Variants in WNT9B observed in about 807,000 individuals in gnomAD.
The protein encoded by WNT9B is Wnt family member 9B, also known as protein Wnt-9b.
In WNT9B, 12 loss-of-function variants were observed where a neutral mutation model predicts 30.2. The observed-to-expected ratio is 0.40, with a 90% CI of 0.26 to 0.64. WNT9B has a LOEUF of 0.64. WNT9B is among the 30% of genes least tolerant of loss of function. The pLI, the probability that WNT9B is intolerant of heterozygous loss-of-function variation, is 0.42. For synonymous variants in WNT9B, 218 were observed against 216.9 expected (o/e 1.01, Z -0.05); for missense variants, 442 against 485.2 (o/e 0.91, Z 0.84).
intron 1 of WNT9B, among the ~76,000 whole-genome samples, chr17:46,841,480 A>C (rs1055528105): frequency 6.6e-6 from 1 of 152,238 alleles, no homozygotes; most frequent in Non-Finnish European, 1.5e-5. Flanking sequence ...ATCCGAAAGA[A>C]AGAGGCCCGT....
chr17:46,873,187 T>C (rs2146602879), intron 2 of WNT9B, among the ~76,000 whole-genome samples: 1 of 151,874 alleles, frequency 6.6e-6, no homozygotes, highest in South Asian at 2.1e-4. Flanking sequence ...CCAGGCCCGA[T>C]GACACGAGCC....
At chr17:46,836,571 G>A (rs2084635246) in intron 1 of WNT9B, among the ~76,000 whole-genome samples, 1 of 152,244 alleles carries the variant, frequency 6.6e-6, no homozygotes, top group African/African-American at 2.4e-5. Context: ...GTCAATTTCT[G>A]AAGCAGTTGG....
intron 1 of WNT9B, chr17:46,833,504 C>T: frequency 8.7e-6 from 4 of 457,308 alleles, no homozygotes; most frequent in South Asian, 6.2e-5. Context: ...ACCTCACTGC[C>T]TGACTTCTCT....
chr17:46,876,840 A>G lies in WNT9B; in HGVS notation c.*122A>G, dbSNP rs1336575904. Reference sequence around the variant, plus strand: ...CATGCATAAACCGGCATGTGTGCCAATGCACACGAGTGTGCCACTCACCAC... The same window carrying G: ...CATGCATAAACCGGCATGTGTGCCAGTGCACACGAGTGTGCCACTCACCAC... On this transcript the variant is annotated 3_prime_UTR_variant, in exon 4 of 4. Coordinates refer to ENST00000290015, the MANE Select transcript of WNT9B (RefSeq NM_003396.3). 4.9e-6 allele frequency: 7 copies of G among 1,434,690 alleles called. No homozygotes were observed. Among genetic ancestry groups the G allele is most frequent in the Non-Finnish European group, 6.4e-6 (7 of 1,090,222 alleles). 88.9% of individuals were successfully genotyped at this position (1,434,690 alleles called of 1,614,324 possible). A position where few individuals can be genotyped will look rare whatever the true frequency, so the allele number is the denominator to read the frequency against.
At chr17:46,837,475 T>C (rs891646931) in intron 1 of WNT9B, among the ~76,000 whole-genome samples, 1 of 152,100 alleles carries the variant, frequency 6.6e-6, no homozygotes, top group Non-Finnish European at 1.5e-5. Context: ...TGTATGACAT[T>C]TGTTTCCCCA....
At chr17:46,862,111 C>T (rs925207100) in intron 1 of WNT9B, among the ~76,000 whole-genome samples, 9 of 146,014 alleles carry the variant, frequency 6.2e-5, no homozygotes, top group African/African-American at 2.0e-4. Context: ...TGCAGTGAGC[C>T]GAGATTGTGC....
chr17:46,858,004 A>T (rs1419646381), intron 1 of WNT9B, among the ~76,000 whole-genome samples: 1 of 152,168 alleles, frequency 6.6e-6, no homozygotes, highest in Non-Finnish European at 1.5e-5. Context: ...ATCTTGGCTA[A>T]CTGCAACCTC....
chr17:46,875,145 C>G lies in WNT9B; in HGVS notation c.379C>G (p.Leu127Val). The change falls in exon 3 of 4, where the codon CTC becomes GTC. Residue 127 changes from leucine (L) to valine (V), a missense_variant. Coordinates refer to ENST00000290015, the MANE Select transcript of WNT9B (RefSeq NM_003396.3). ...CCTGTACGCGGTGTCCTCTGCCGCC[C>G]TCACCCACACCCTGGCCCGGGCCTG... ...AFLYAVSSAA[L>V]THTLARACSA... 6.2e-7 allele frequency: 1 copy of G among 1,614,014 alleles called. No individual in the cohort carries two copies. Among genetic ancestry groups the G allele is most frequent in the Non-Finnish European group, 8.5e-7 (1 of 1,180,046 alleles).
chr17:46,851,588 C>T lies in WNT9B; in HGVS notation c.-51C>T. On this transcript the variant is annotated 5_prime_UTR_variant, in exon 1 of 4. Transcript: ENST00000290015. The surrounding 1 kb of genome is among the most constrained non-coding windows in gnomAD (Gnocchi z 4.3). ...CCGCGGGCGGGTGGTGGCGGAGCTG[C>T]GAGCTTGAGCGGCGCGAGGAGATGC... 2 of 1,082,506 alleles carry T rather than the reference C, an allele frequency of 1.8e-6. No homozygotes were observed. The highest frequency in any genetic ancestry group is 2.3e-6 in the Non-Finnish European group (2 of 851,178). 67.1% of individuals were successfully genotyped at this position (1,082,506 alleles called of 1,614,324 possible).
chr17:46,865,787 AT>A, intron 1 of WNT9B, among the ~76,000 whole-genome samples: 1 of 152,038 alleles, frequency 6.6e-6, no homozygotes, highest in East Asian at 1.9e-4. Flanking sequence ...TTAATTTTTA[AT>A]TTTGTAGAGA....
chr17:46,857,474 CAAAAA>C (rs35196121), intron 1 of WNT9B, among the ~76,000 whole-genome samples: 22,768 of 94,548 alleles, frequency 0.24, 2,108 homozygotes, highest in East Asian at 0.44. Context: ...GACTCTGTCT[CAAAAA>C]AAAAAAAAAA....
chr17:46,850,620 C>G (rs1384185638), upstream of WNT9B, among the ~76,000 whole-genome samples: 1 of 152,204 alleles, frequency 6.6e-6, no homozygotes, highest in Non-Finnish European at 1.5e-5. Flanking sequence ...GTGTTCGAGA[C>G]TCTCAAAAAC....
At position 46,879,881 on chromosome 17, in the gene WNT9B, G is replaced by A. The variant is rs1348336534; in HGVS notation, c.*3163G>A. Among the ~76,000 whole-genome samples the A allele has an allele frequency of 6.6e-6, 1 of 152,180 alleles. No homozygotes were observed. Among genetic ancestry groups the A allele is most frequent in the African/African-American group, 2.4e-5 (1 of 41,434 alleles). On this transcript the variant is annotated 3_prime_UTR_variant, in exon 4 of 4. Coordinates refer to ENST00000290015, the MANE Select transcript of WNT9B (RefSeq NM_003396.3). ...CTCAGGGGCTTTGGCTGCCTGAGAA[G>A]GCTGGAGAGACCAGGAACCCATGGA...
upstream of WNT9B, among the ~76,000 whole-genome samples, chr17:46,847,967 A>AGTGT (rs57125736): frequency 0.49 from 73,103 of 149,458 alleles, 19,676 homozygotes; most frequent in Middle Eastern, 0.65. Context: ...TGATTTCCAA[A>AGTGT]GTGTGTGTGT....
downstream of WNT9B, among the ~76,000 whole-genome samples, chr17:46,882,155 C>G (rs2146624011): frequency 6.6e-6 from 1 of 152,204 alleles, no homozygotes; most frequent in Middle Eastern, 3.4e-3. Flanking sequence ...GACCCTGTCT[C>G]TAAAAAATTA....
At chr17:46,851,548 C>A, upstream of WNT9B, 2 of 673,542 alleles carry the variant, frequency 3.0e-6, no homozygotes, top group Non-Finnish European at 4.1e-6. This position sits in a 1 kb window ranked among gnomAD's most constrained non-coding sequence, Gnocchi z 4.3. Context: ...CCCCGCCCCA[C>A]CCGGGTTTAA....
intron 1 of WNT9B, among the ~76,000 whole-genome samples, chr17:46,845,040 G>T (rs1568116068): frequency 1.3e-5 from 2 of 152,228 alleles, no homozygotes; most frequent in Middle Eastern, 3.4e-3. Flanking sequence ...GTAGAGATGG[G>T]GTTTCACCAT....
At chr17:46,884,988 T>A, downstream of WNT9B, 1 of 432,742 alleles carries the variant, frequency 2.3e-6, no homozygotes, top group Non-Finnish European at 4.6e-6. Context: ...TCTTTTATAT[T>A]TCCTTAGCTT....
intron 2 of WNT9B, among the ~76,000 whole-genome samples, chr17:46,873,052 A>G (rs2085278585): frequency 6.6e-6 from 1 of 151,078 alleles, no homozygotes; most frequent in South Asian, 2.1e-4. Context: ...CTCACAGATA[A>G]GATGGGGTCC....
Sources: gnomAD v4.1 joint callset for allele counts (sites outside exome capture counted in the v4.1 genomes callset) on GRCh38, gnomAD v4.1.1 for gene constraint, Gnocchi (gnomAD v3.1) non-coding constraint, MANE v1.5 for transcripts, NCBI Gene and HGNC (gene_info 2026-07-23, HGNC 2026-07-21) for gene names.